Variants in TEX26 observed in about 807,000 individuals in gnomAD.
The protein encoded by TEX26 is testis expressed 26, also known as testis-expressed protein 26.
A neutral mutation model predicts 35.3 loss-of-function variants in TEX26; 34 were observed. The ratio of observed to expected loss-of-function variants is 0.96; its 90% CI spans 0.73 to 1.28. The LOEUF is 1.28. TEX26 is among the 50% of genes most tolerant of loss of function. The pLI, the probability that TEX26 is intolerant of heterozygous loss-of-function variation, is 0.00. For missense variants in TEX26, 371 were observed against 330.1 expected (o/e 1.12, Z -0.96); for synonymous variants, 136 against 111.8 (o/e 1.22, Z -1.36).
rs371056947 is a variant in TEX26 at position 30,956,987 on chromosome 13, T to C, written c.427T>C (p.Phe143Leu). The C allele has an allele frequency of 6.2e-7, 1 of 1,614,202 alleles. No homozygotes were observed. The highest frequency in any genetic ancestry group is 2.2e-5 in the East Asian group (1 of 44,890). Residue 143 changes from phenylalanine to leucine, a missense_variant, in exon 4 of 7, where the codon TTT becomes CTT. Physicochemically the swap from Phe to Leu is conservative, Grantham distance 22 (BLOSUM62 0). Transcript: ENST00000380473. ...AGTTAACAAGGCACTATCAAATCAG[T>C]TTATTTCCCTTACTAAGAGAGACTT... The part of the protein sequence containing the change: ...KEVNKALSNQ[F>L]ISLTKRDFVD...
At chr13:30,971,652 A>G (rs1445879952) in intron 6 of TEX26, among the ~76,000 whole-genome samples, 2 of 152,230 alleles carry the variant, frequency 1.3e-5, no homozygotes, top group African/African-American at 4.8e-5. Context: ...GTATGTCACC[A>G]CTATTTGGTA....
At chr13:30,957,431 G>T (rs1365776927) in intron 4 of TEX26, among the ~76,000 whole-genome samples, 2 of 152,172 alleles carry the variant, frequency 1.3e-5, no homozygotes, top group Non-Finnish European at 2.9e-5. Flanking sequence ...GGAGATCAAC[G>T]TGGGCAGAGA....
rs555062485 is a variant in TEX26 at position 30,971,524 on chromosome 13, C to T, written c.808+2478C>T. On this transcript the variant is annotated intron_variant, in intron 6 of 6. Transcript: ENST00000380473. The stretch of plus-strand genomic sequence containing the variant: ...GGGAGGTGAGGGTGTGGGAGAGAGA[C>T]GGTGCGTGTTGGAGGGTGAAATACA... Among the ~76,000 whole-genome samples, 26 of 152,072 alleles carry T rather than the reference C, an allele frequency of 1.7e-4. No homozygotes were observed. In the East Asian group the frequency reaches 3.1e-3, roughly 18 times the overall value.
chr13:30,974,800 A>C (rs779265248), intron 6 of TEX26, 46 bp from the exon 7 acceptor site: 2 of 1,493,556 alleles, frequency 1.3e-6, no homozygotes, highest in East Asian at 5.0e-5. Flanking sequence ...TATCATTTAA[A>C]TACTTACGTG....
intron 2 of TEX26, among the ~76,000 whole-genome samples, chr13:30,946,856 T>C (rs1953730336): frequency 6.6e-6 from 1 of 152,140 alleles, no homozygotes; most frequent in African/African-American, 2.4e-5. Flanking sequence ...CAATGAATAC[T>C]CTGAATGCTT....
chr13:30,933,005 G>T (rs1047724217), intron 1 of TEX26: 22 of 465,870 alleles, frequency 4.7e-5, no homozygotes, highest in East Asian at 9.4e-5. Flanking sequence ...CCTAAAACGC[G>T]CAGGGTTTTT....
chr13:30,953,807 T>A (rs1954020079), intron 3 of TEX26, among the ~76,000 whole-genome samples: 1 of 152,216 alleles, frequency 6.6e-6, no homozygotes, highest in South Asian at 2.1e-4. Context: ...GGTAATGCTT[T>A]GTTGTAGTAA....
At chr13:30,973,692 T>C (rs1954784264) in intron 6 of TEX26, among the ~76,000 whole-genome samples, 1 of 152,082 alleles carries the variant, frequency 6.6e-6, no homozygotes, top group Non-Finnish European at 1.5e-5. Context: ...ATCCCTGATC[T>C]ATGGGCCTCC....
intron 2 of TEX26, 121 bp from the exon 3 acceptor site, chr13:30,952,539 C>A: frequency 1.3e-6 from 1 of 771,968 alleles, no homozygotes. Context: ...ATTTCTGGCA[C>A]CAACTCTTAT....
At chr13:30,967,030 G>T (rs569907458) in intron 5 of TEX26, among the ~76,000 whole-genome samples, 1 of 152,318 alleles carries the variant, frequency 6.6e-6, no homozygotes. Flanking sequence ...TGAGAGGGAA[G>T]GATGCAGTTG....
chr13:30,968,972 C>G lies in TEX26; in HGVS notation c.734C>G (p.Pro245Arg). ...CAAAGTGACTACGACAAAACCTACC[C>G]AGATTTCTTAATGCTTTTAAACTCA... ...TYQSDYDKTY[P>R]DFLMLLNSFT... The change falls in exon 6 of 7, where the codon CCA becomes CGA. Residue 245 changes from proline (P) to arginine (R), a missense_variant. Pro to Arg is a moderately radical substitution (Grantham distance 103, BLOSUM62 -2). Transcript: ENST00000380473. 1 of 1,614,088 alleles carries G rather than the reference C, an allele frequency of 6.2e-7. No homozygotes were observed. The highest frequency in any genetic ancestry group is 8.5e-7 in the Non-Finnish European group (1 of 1,179,976).
At chr13:30,960,510 G>T (rs1370870261) in intron 4 of TEX26, among the ~76,000 whole-genome samples, 1 of 152,132 alleles carries the variant, frequency 6.6e-6, no homozygotes, top group Non-Finnish European at 1.5e-5. Flanking sequence ...CTCCCAAAGT[G>T]CTAGGATTAC....
chr13:30,945,624 C>T (rs1953678926), intron 2 of TEX26, among the ~76,000 whole-genome samples: 1 of 151,846 alleles, frequency 6.6e-6, no homozygotes, highest in Non-Finnish European at 1.5e-5. Context: ...TCTTGTAGGG[C>T]TGGTCTGGTA....
chr13:30,972,340 T>A (rs1954741434), intron 6 of TEX26, among the ~76,000 whole-genome samples: 2 of 152,020 alleles, frequency 1.3e-5, no homozygotes, highest in African/African-American at 4.8e-5. Flanking sequence ...GGTAGCCTTT[T>A]TGAACACTCA....
chr13:30,953,562 T>C (rs772791455), intron 3 of TEX26, among the ~76,000 whole-genome samples: 5 of 152,270 alleles, frequency 3.3e-5, no homozygotes, highest in Non-Finnish European at 7.3e-5. Flanking sequence ...TGAACAGCCA[T>C]GTACAAGTAC....
chr13:30,964,337 G>A (rs1239094210), intron 4 of TEX26, among the ~76,000 whole-genome samples: 1 of 152,178 alleles, frequency 6.6e-6, no homozygotes, highest in Non-Finnish European at 1.5e-5. Flanking sequence ...ATTTCCACGT[G>A]AGATCCACAG....
intron 4 of TEX26, among the ~76,000 whole-genome samples, chr13:30,958,410 C>T (rs71436425): frequency 6.6e-6 from 1 of 152,208 alleles, no homozygotes; most frequent in South Asian, 2.1e-4. Context: ...GTGCATGGCT[C>T]TAAGCCCTGT....
intron 5 of TEX26, among the ~76,000 whole-genome samples, chr13:30,967,828 G>A: frequency 6.6e-6 from 1 of 152,078 alleles, no homozygotes; most frequent in East Asian, 1.9e-4. Flanking sequence ...AAGTGATTTG[G>A]GTGTTGCCTG....
chr13:30,956,697 G>A lies in TEX26; in HGVS notation c.313-176G>A, dbSNP rs765301815. On this transcript the variant is annotated intron_variant, in intron 3 of 6. Transcript: ENST00000380473. ...AAAGTCAAAGAAATGTACAGAGCCC[G>A]CGTTTCGACTGGGTCAACCAATGTC... 3.9e-5 allele frequency among the ~76,000 whole-genome samples: 6 copies of A among 152,262 alleles called. No individual in the cohort carries two copies. In the South Asian group the frequency reaches 6.2e-4, roughly 16 times the overall value.
Sources: allele counts gnomAD v4.1 joint callset (sites outside exome capture counted in the v4.1 genomes callset), GRCh38; gene constraint gnomAD v4.1.1; transcripts MANE v1.5; gene names NCBI Gene and HGNC (gene_info 2026-07-23, HGNC 2026-07-21).